Variants in SORCS2 observed in about 807,000 individuals in gnomAD.
SORCS2 encodes the protein VPS10 domain-containing receptor SorCS2.
In SORCS2, 100 loss-of-function variants were observed where a neutral mutation model predicts 141.6. The ratio of observed to expected loss-of-function variants is 0.71; its 90% confidence interval spans 0.60 to 0.83. SORCS2 has a LOEUF of 0.83. Among genes scored for constraint, SORCS2 ranks in the 40% least tolerant of loss-of-function variants. The probability of loss-of-function intolerance (pLI) is 0.00; values close to 1 mark genes in which losing one functional copy is unlikely to be tolerated. For synonymous variants in SORCS2, 789 were observed against 676.9 expected (o/e 1.17, Z -2.57); for missense variants, 1,646 against 1,560.2 (o/e 1.05, Z -0.93).
At chr4:7,670,889 A>T (rs1038167705) in intron 8 of SORCS2, among the ~76,000 whole-genome samples, 3 of 152,204 alleles carry the variant, frequency 2.0e-5, no homozygotes, top group Non-Finnish European at 4.4e-5. Flanking sequence ...ACTGCTTCTG[A>T]TGATAGACAT....
Position 7,531,633 on chromosome 4 carries a change from G to A in SORCS2, c.648+4G>A. 6.2e-7 allele frequency: 1 copy of A among 1,612,046 alleles called. No homozygotes were observed. The highest frequency in any genetic ancestry group is 8.5e-7 in the Non-Finnish European group (1 of 1,178,732). ...CTGCCCGACCAACAAGAGGAAGGTA[G>A]GTGCTGGCTGGGGGTGGCCGCCACT... On this transcript the variant is annotated splice_donor_region_variant and intron_variant, in intron 3 of 26. Coordinates refer to ENST00000507866, the MANE Select transcript of SORCS2 (RefSeq NM_020777.3).
intron 20 of SORCS2, among the ~76,000 whole-genome samples, chr4:7,726,467 T>C (rs1009389802): frequency 3.3e-5 from 5 of 152,114 alleles, no homozygotes; most frequent in African/African-American, 7.2e-5. Flanking sequence ...CCCAGCTACA[T>C]GGGAGGCTGA....
chr4:7,339,569 T>C (rs1469016152), intron 1 of SORCS2, among the ~76,000 whole-genome samples: 1 of 152,194 alleles, frequency 6.6e-6, no homozygotes, highest in African/African-American at 2.4e-5. Context: ...TCTGCCTGCA[T>C]CTTCACACGG....
chr4:7,404,643 A>G (rs570221822), intron 2 of SORCS2, among the ~76,000 whole-genome samples: 1 of 152,082 alleles, frequency 6.6e-6, no homozygotes. Flanking sequence ...GACCATGTGT[A>G]TGTCTTCTTT....
chr4:7,673,380 C>T (rs149340722), intron 8 of SORCS2, among the ~76,000 whole-genome samples: 264 of 152,312 alleles, frequency 1.7e-3, no homozygotes, highest in African/African-American at 5.9e-3. Context: ...ATGACCATCT[C>T]GCAGTTATGT....
intron 1 of SORCS2, among the ~76,000 whole-genome samples, chr4:7,328,326 G>A (rs940144272): frequency 1.3e-5 from 2 of 151,242 alleles, no homozygotes; most frequent in South Asian, 2.1e-4. Context: ...ATGAGCCACC[G>A]CACCCGGCCC....
chr4:7,425,187 T>C (rs555831405), intron 2 of SORCS2, among the ~76,000 whole-genome samples: 43 of 152,300 alleles, frequency 2.8e-4, no homozygotes, highest in African/African-American at 9.9e-4. Context: ...CGCAGGAGCC[T>C]CCGTTTTCGG....
chr4:7,628,379 C>A (rs577851765), intron 3 of SORCS2, among the ~76,000 whole-genome samples: 1 of 151,996 alleles, frequency 6.6e-6, no homozygotes, highest in Non-Finnish European at 1.5e-5. Context: ...ATTAGCCTGG[C>A]GTGGTGGCGG....
intron 1 of SORCS2, among the ~76,000 whole-genome samples, chr4:7,258,233 T>G (rs988351030): frequency 1.3e-5 from 2 of 152,200 alleles, no homozygotes; most frequent in African/African-American, 4.8e-5. Flanking sequence ...TATGCCATGG[T>G]GGTTTGCTGC....
intron 3 of SORCS2, among the ~76,000 whole-genome samples, chr4:7,544,195 C>T (rs1713068312): frequency 6.6e-6 from 1 of 152,204 alleles, no homozygotes; most frequent in Non-Finnish European, 1.5e-5. Flanking sequence ...ATCCCTTCAT[C>T]CATCCACTCG....
chr4:7,434,824 G>A (rs1450475576), intron 2 of SORCS2: 3 of 1,601,458 alleles, frequency 1.9e-6, no homozygotes, highest in Non-Finnish European at 2.6e-6. Context: ...GCCTGAGGTG[G>A]GGCTGGCCCT....
intron 1 of SORCS2, among the ~76,000 whole-genome samples, chr4:7,256,910 A>C (rs1411829413): frequency 6.6e-6 from 1 of 152,052 alleles, no homozygotes; most frequent in Non-Finnish European, 1.5e-5. Context: ...GAGTGTGGGC[A>C]CCGGCCCCAG....
intron 1 of SORCS2, among the ~76,000 whole-genome samples, chr4:7,394,019 C>A (rs1724039785): frequency 6.6e-6 from 1 of 151,804 alleles, no homozygotes; most frequent in Non-Finnish European, 1.5e-5. Context: ...CCAGCACTGG[C>A]CCTTCCTGGG....
chr4:7,695,880 A>G (rs368496609), intron 11 of SORCS2, among the ~76,000 whole-genome samples: 49 of 12,692 alleles, frequency 3.9e-3, no homozygotes, highest in South Asian at 0.016. Context: ...GGGTGGGTGG[A>G]TGGATGGATG....
At chr4:7,711,475 T>A (rs1383465627) in intron 14 of SORCS2, among the ~76,000 whole-genome samples, 1 of 152,210 alleles carries the variant, frequency 6.6e-6, no homozygotes, top group Admixed American at 6.5e-5. Context: ...ACCCAGATGC[T>A]TGGCCTCTGG....
chr4:7,627,376 G>T (rs1719580859), intron 3 of SORCS2, among the ~76,000 whole-genome samples: 1 of 152,178 alleles, frequency 6.6e-6, no homozygotes, highest in Admixed American at 6.5e-5. Context: ...TCCCTACTCA[G>T]GATGGATGGG....
At chr4:7,681,577 C>T (rs1247085099) in intron 9 of SORCS2, among the ~76,000 whole-genome samples, 1 of 152,234 alleles carries the variant, frequency 6.6e-6, no homozygotes, top group Non-Finnish European at 1.5e-5. Context: ...GGCTTCTGCC[C>T]TCCAGAGCTG....
chr4:7,643,105 C>G (rs1283402675), intron 4 of SORCS2, among the ~76,000 whole-genome samples: 1 of 152,220 alleles, frequency 6.6e-6, no homozygotes, highest in Non-Finnish European at 1.5e-5. Flanking sequence ...TATCCACCTA[C>G]CCTCAGACTG....
At chr4:7,431,761 A>G (rs1441255307) in intron 2 of SORCS2, 1 of 152,190 alleles carries the variant, frequency 6.6e-6, no homozygotes, top group Non-Finnish European at 1.5e-5. Flanking sequence ...CTTCTGAGGC[A>G]TCCAGAATCT....
Sources: allele counts gnomAD v4.1 joint callset (sites outside exome capture counted in the v4.1 genomes callset), GRCh38; gene constraint gnomAD v4.1.1; transcripts MANE v1.5; gene names NCBI Gene and HGNC (gene_info 2026-07-23, HGNC 2026-07-21).